Variants in CDH18 observed in about 807,000 individuals in gnomAD.
CDH18 encodes cadherin 18, also known as cadherin-18.
Under a neutral mutation model 67.9 loss-of-function variants are expected in CDH18, and 31 were observed. That is an observed-to-expected ratio of 0.46 (90% CI 0.34 to 0.62). The LOEUF is 0.62. Among genes scored for constraint, CDH18 ranks in the 20% least tolerant of loss-of-function variants. The probability of loss-of-function intolerance (pLI) is 0.01; values close to 1 mark genes in which losing one functional copy is unlikely to be tolerated. For missense variants in CDH18, 890 were observed against 975.5 expected (o/e 0.91, Z 1.17); for synonymous variants, 362 against 347.2 (o/e 1.04, Z -0.48).
chr5:20,515,587 A>G (rs927863408), intron 1 of CDH18, among the ~76,000 whole-genome samples: 1 of 152,086 alleles, frequency 6.6e-6, no homozygotes, highest in Non-Finnish European at 1.5e-5. Context: ...CCCATTTAAC[A>G]GCTCGTTATT....
intron 2 of CDH18, among the ~76,000 whole-genome samples, chr5:19,856,948 C>T (rs181271799): frequency 6.6e-6 from 1 of 152,134 alleles, no homozygotes; most frequent in Non-Finnish European, 1.5e-5. Flanking sequence ...GCAGGTTGGG[C>T]AAGATCACTC....
chr5:20,246,230 T>C (rs1339580169), intron 2 of CDH18, among the ~76,000 whole-genome samples: 1 of 152,214 alleles, frequency 6.6e-6, no homozygotes, highest in Non-Finnish European at 1.5e-5. Context: ...GCTATTCTTT[T>C]ATAAAACCAC....
chr5:20,121,712 G>C (rs2126418260), intron 2 of CDH18, among the ~76,000 whole-genome samples: 1 of 152,278 alleles, frequency 6.6e-6, no homozygotes, highest in South Asian at 2.1e-4. Context: ...CATGTCAGCA[G>C]GTCTCCAGCT....
chr5:19,655,113 C>T (rs958684752), intron 5 of CDH18, among the ~76,000 whole-genome samples: 4 of 152,124 alleles, frequency 2.6e-5, no homozygotes, highest in Non-Finnish European at 4.4e-5. Flanking sequence ...GGGCCTTTGC[C>T]AGGGAACTGC....
chr5:20,032,728 G>A (rs1236435676), intron 2 of CDH18, among the ~76,000 whole-genome samples: 2 of 151,940 alleles, frequency 1.3e-5, no homozygotes, highest in Non-Finnish European at 2.9e-5. Flanking sequence ...GAATATGTGG[G>A]TGATGTTCCT....
chr5:19,819,678 C>T (rs186012484), intron 3 of CDH18, among the ~76,000 whole-genome samples: 13 of 152,236 alleles, frequency 8.5e-5, no homozygotes, highest in African/African-American at 2.9e-4. Flanking sequence ...GAGGCAGAGG[C>T]TTGCACAGAG....
At chr5:19,753,718 C>T (rs1257961282) in intron 3 of CDH18, among the ~76,000 whole-genome samples, 3 of 152,154 alleles carry the variant, frequency 2.0e-5, no homozygotes, top group African/African-American at 4.8e-5. Flanking sequence ...ATCTTAAGTG[C>T]TGTGAGACAA....
intron 1 of CDH18, among the ~76,000 whole-genome samples, chr5:20,558,026 TATA>T (rs1758009271): frequency 7.0e-6 from 1 of 143,534 alleles, no homozygotes; most frequent in African/African-American, 2.7e-5. Flanking sequence ...CATTAAATGT[TATA>T]GTTATATAAC....
At chr5:19,637,933 G>A (rs1278495434) in intron 5 of CDH18, among the ~76,000 whole-genome samples, 1 of 152,108 alleles carries the variant, frequency 6.6e-6, no homozygotes, top group Admixed American at 6.5e-5. Flanking sequence ...TTTAATAAGT[G>A]TCATAAATAT....
chr5:19,831,916 C>A (rs1781076941), intron 3 of CDH18, among the ~76,000 whole-genome samples: 1 of 152,054 alleles, frequency 6.6e-6, no homozygotes, highest in Admixed American at 6.6e-5. Context: ...TAATGAAATA[C>A]TACACAGCCA....
At position 19,839,002 on chromosome 5, in the gene CDH18, C is replaced by T. The variant is rs1781987629; in HGVS notation, c.-16G>A. 6.3e-7 allele frequency: 1 copy of T among 1,593,798 alleles called. No homozygotes were observed. On this transcript the variant is annotated 5_prime_UTR_variant, in exon 3 of 13. Coordinates refer to ENST00000382275, the MANE Select transcript of CDH18 (RefSeq NM_004934.5). Reference sequence around the variant, plus strand: ...TAATTTTCATTGTAAGATAACTTTCCAGTTCACAGTTTTCCTTCCTTTCCT... The same window carrying T: ...TAATTTTCATTGTAAGATAACTTTCTAGTTCACAGTTTTCCTTCCTTTCCT...
intron 2 of CDH18, among the ~76,000 whole-genome samples, chr5:19,923,049 T>G (rs541731128): frequency 6.6e-6 from 1 of 152,182 alleles, no homozygotes; most frequent in Non-Finnish European, 1.5e-5. Flanking sequence ...GTCAGACCTA[T>G]GATTTCTTCG....
intron 3 of CDH18, among the ~76,000 whole-genome samples, chr5:19,797,898 T>C (rs758638635): frequency 6.6e-6 from 1 of 152,048 alleles, no homozygotes; most frequent in African/African-American, 2.4e-5. Context: ...AAGAAAATCA[T>C]AAGAATTACT....
intron 1 of CDH18, among the ~76,000 whole-genome samples, chr5:20,321,621 C>T (rs1290550306): frequency 6.6e-6 from 1 of 152,068 alleles, no homozygotes; most frequent in Non-Finnish European, 1.5e-5. Context: ...AGGTTGCTTC[C>T]ACAAAACTAT....
rs190910390 is a variant in CDH18, at chr5:20,413,834, A to G, written c.-579-158329T>C. On this transcript the variant is annotated intron_variant, in intron 1 of 14. Coordinates refer to the CDH18 transcript ENST00000507958. ...TAGTTTAATTAGATTCCATTTGTCT[A>G]TTTTGGCTTTTGTTGCCATTGCTTT... is the stretch of plus-strand genomic sequence containing the variant. Among the ~76,000 whole-genome samples, 128 of 152,124 alleles carry G rather than the reference A, an allele frequency of 8.4e-4. 1 individual carries two copies. Among genetic ancestry groups the G allele is most frequent in the Middle Eastern group, 3.4e-3 (1 of 294 alleles).
intron 3 of CDH18, among the ~76,000 whole-genome samples, chr5:19,754,861 C>A (rs1016772144): frequency 2.6e-5 from 4 of 152,198 alleles, no homozygotes; most frequent in South Asian, 2.1e-4. Context: ...CAAAAGGAAC[C>A]TTTGAACCCA....
At chr5:20,391,914 CAGTTACAAA>C (rs1393555138) in intron 1 of CDH18, among the ~76,000 whole-genome samples, 1 of 140,574 alleles carries the variant, frequency 7.1e-6, no homozygotes, top group Admixed American at 7.6e-5. Context: ...TTAATTTTCA[CAGTTACAAA>C]ATGATTAATT....
intron 3 of CDH18, among the ~76,000 whole-genome samples, chr5:19,755,290 G>T (rs1328004429): frequency 2.0e-5 from 3 of 149,608 alleles, no homozygotes; most frequent in African/African-American, 7.3e-5. Flanking sequence ...GATTAACCAA[G>T]AAAAGAAGAG....
At chr5:19,626,185 A>C (rs145933236) in intron 5 of CDH18, among the ~76,000 whole-genome samples, 140 of 152,304 alleles carry the variant, frequency 9.2e-4, no homozygotes, top group Non-Finnish European at 1.6e-3. Context: ...ACAACACTAA[A>C]GCAAAATAAC....
Sources: gnomAD v4.1 joint callset for allele counts (sites outside exome capture counted in the v4.1 genomes callset) on GRCh38, gnomAD v4.1.1 for gene constraint, MANE v1.5 for transcripts, NCBI Gene and HGNC (gene_info 2026-07-23, HGNC 2026-07-21) for gene names.